MARCHF1: variants seen among roughly 807,000 people sequenced by gnomAD.
MARCHF1 encodes E3 ubiquitin-protein ligase MARCHF1.
In MARCHF1, 40 loss-of-function variants were observed where a neutral mutation model predicts 54.2. The observed-to-expected ratio is 0.74, with a 90% CI of 0.57 to 0.96. The LOEUF is 0.96. Among genes scored for constraint, MARCHF1 ranks in the 40% least tolerant of loss-of-function variants. The pLI is 0.00. For missense variants in MARCHF1, 586 were observed against 656.5 expected (o/e 0.89, Z 1.17); for synonymous variants, 236 against 236.3 (o/e 1.00, Z 0.01).
intron 1 of MARCHF1, among the ~76,000 whole-genome samples, chr4:164,244,218 C>G (rs371740260): frequency 6.6e-6 from 1 of 151,766 alleles, no homozygotes; most frequent in Admixed American, 6.6e-5. Flanking sequence ...TAAAGCTCTC[C>G]TCAGCAAATG....
chr4:163,826,790 C>T (rs1339771800), intron 4 of MARCHF1, among the ~76,000 whole-genome samples: 1 of 152,014 alleles, frequency 6.6e-6, no homozygotes, highest in Non-Finnish European at 1.5e-5. Context: ...CATTTATGCT[C>T]ATCTCTGCAT....
chr4:163,778,738 A>C (rs1747375950), intron 4 of MARCHF1, among the ~76,000 whole-genome samples: 1 of 152,180 alleles, frequency 6.6e-6, no homozygotes, highest in African/African-American at 2.4e-5. Flanking sequence ...TAAGCAAAAC[A>C]AGTCAGACAC....
chr4:163,612,827 AC>A lies in MARCHF1; in HGVS notation c.453del (p.Arg151SerfsTer48). 6.5e-7 allele frequency: 1 copy of A among 1,535,010 alleles called. No homozygotes were observed. The highest frequency in any genetic ancestry group is 8.7e-7 in the Non-Finnish European group (1 of 1,146,414). On this transcript the variant is annotated frameshift_variant, in exon 7 of 10. Transcript: ENST00000514618. LOFTEE classifies it high-confidence loss of function. ...GAAGAATCTGTGTAAAGCTCCCTCC[AC>A]CTGGGGCTTGAGATTTGAAGGTGAA... is the stretch of plus-strand genomic sequence containing the variant. Reference protein sequence around the residue: ...NDFHLQISSPRWRELYTDSSD... With the variant: ...NDFHLQISSPXWRELYTDSSD...
chr4:163,948,293 A>C (rs1379916358), intron 3 of MARCHF1, among the ~76,000 whole-genome samples: 1 of 152,248 alleles, frequency 6.6e-6, no homozygotes, highest in Admixed American at 6.5e-5. Context: ...AAATTCTTAG[A>C]GGTTAAACTA....
chr4:164,307,216 G>A (rs1333125342), intron 1 of MARCHF1, among the ~76,000 whole-genome samples: 2 of 152,116 alleles, frequency 1.3e-5, no homozygotes, highest in Admixed American at 1.3e-4. Flanking sequence ...TAAATCTAAA[G>A]AATAGGGGAA....
chr4:163,714,605 A>T (rs1005882075), intron 4 of MARCHF1, among the ~76,000 whole-genome samples: 1 of 152,268 alleles, frequency 6.6e-6, no homozygotes, highest in African/African-American at 2.4e-5. Context: ...ATTCAGAGAC[A>T]TATTAGCATA....
chr4:164,076,738 A>G (rs113324612), intron 2 of MARCHF1, among the ~76,000 whole-genome samples: 2,081 of 152,318 alleles, frequency 0.014, 31 homozygotes, highest in African/African-American at 0.044. Context: ...CCTATACACC[A>G]ATAAGAGACA....
intron 2 of MARCHF1, among the ~76,000 whole-genome samples, chr4:164,074,740 TA>T (rs1176779371): frequency 6.6e-6 from 1 of 151,998 alleles, no homozygotes; most frequent in East Asian, 1.9e-4. Flanking sequence ...ATGGGACCAT[TA>T]TTAGTTTTAA....
At chr4:164,173,401 G>A (rs985915424) in intron 1 of MARCHF1, among the ~76,000 whole-genome samples, 29 of 152,156 alleles carry the variant, frequency 1.9e-4, no homozygotes, top group African/African-American at 4.6e-4. Context: ...TGTACTGAAT[G>A]TCATAAGTAC....
intron 1 of MARCHF1, among the ~76,000 whole-genome samples, chr4:164,322,308 A>C (rs1735162820): frequency 6.6e-6 from 1 of 152,140 alleles, no homozygotes; most frequent in Non-Finnish European, 1.5e-5. Context: ...TAAGAAACTC[A>C]CTGAAATCAA....
intron 2 of MARCHF1, among the ~76,000 whole-genome samples, chr4:164,002,346 C>T (rs140956579): frequency 0.012 from 1,865 of 150,738 alleles, 26 homozygotes; most frequent in African/African-American, 0.039. Flanking sequence ...ATTTAAAAAT[C>T]GATATAAGTA....
rs1465073507 is a variant in MARCHF1, at chr4:164,074,661, T to A, written c.-248+36927A>T. ...TTTAAAAGTATGCAGTAAAGGAGTA[T>A]TTATAGACATGGAAAAATTTCTCTG... On this transcript the variant is annotated intron_variant, in intron 2 of 9. Coordinates refer to ENST00000514618, the MANE Select transcript of MARCHF1 (RefSeq NM_001394959.1). Among the ~76,000 whole-genome samples, 5 of 152,180 alleles carry A rather than the reference T, an allele frequency of 3.3e-5. No homozygotes were observed. In the South Asian group the frequency reaches 1.0e-3, roughly 32 times the overall value.
chr4:163,696,662 A>G (rs1001281786), intron 5 of MARCHF1, among the ~76,000 whole-genome samples: 1 of 152,190 alleles, frequency 6.6e-6, no homozygotes, highest in Non-Finnish European at 1.5e-5. Flanking sequence ...AAAGTATTTT[A>G]TATAACTTCT....
At chr4:164,317,004 T>C (rs887784759) in intron 1 of MARCHF1, among the ~76,000 whole-genome samples, 1 of 152,178 alleles carries the variant, frequency 6.6e-6, no homozygotes, top group Non-Finnish European at 1.5e-5. Context: ...CCTTTATAAA[T>C]TGCCGAGTCT....
intron 7 of MARCHF1, among the ~76,000 whole-genome samples, chr4:163,608,383 GGTCATA>G (rs1176716604): frequency 6.6e-6 from 1 of 152,030 alleles, no homozygotes; most frequent in Non-Finnish European, 1.5e-5. Context: ...AGCATGAAAA[GGTCATA>G]GTTAATGATG....
At chr4:163,934,496 C>T (rs928064066) in intron 3 of MARCHF1, among the ~76,000 whole-genome samples, 5 of 146,270 alleles carry the variant, frequency 3.4e-5, no homozygotes, top group Non-Finnish European at 7.4e-5. Flanking sequence ...AATTTGAATG[C>T]CGCAGTGAGC....
chr4:164,166,156 T>TG (rs1487937526), intron 1 of MARCHF1, among the ~76,000 whole-genome samples: 3 of 151,996 alleles, frequency 2.0e-5, no homozygotes, highest in Non-Finnish European at 4.4e-5. Flanking sequence ...AAAATCAACC[T>TG]GGGGATAGAA....
intron 1 of MARCHF1, among the ~76,000 whole-genome samples, chr4:164,294,525 A>G (rs1289139950): frequency 5.3e-5 from 8 of 152,124 alleles, no homozygotes; most frequent in African/African-American, 1.9e-4. Flanking sequence ...GCAAAAAACA[A>G]CTGCTTCCTA....
chr4:164,371,120 A>G (rs989971083), intron 1 of MARCHF1, among the ~76,000 whole-genome samples: 5 of 152,136 alleles, frequency 3.3e-5, no homozygotes, highest in African/African-American at 1.2e-4. Flanking sequence ...CCAAGAACAG[A>G]TATAAATATA....
Sources: allele counts gnomAD v4.1 joint callset (sites outside exome capture counted in the v4.1 genomes callset), GRCh38; gene constraint gnomAD v4.1.1; transcripts MANE v1.5; gene names NCBI Gene and HGNC (gene_info 2026-07-23, HGNC 2026-07-21).